SUPT3H: variants seen among roughly 807,000 people sequenced by gnomAD.
SUPT3H encodes transcription initiation protein SPT3 homolog.
A neutral mutation model predicts 44.3 loss-of-function variants in SUPT3H; 44 were observed. That is an observed-to-expected ratio of 0.99 (90% confidence interval 0.78 to 1.28). The LOEUF (loss-of-function observed/expected upper bound fraction) is 1.28, where lower values mean the gene tolerates loss of function less well. SUPT3H is among the 50% of genes most tolerant of loss of function. The pLI, the probability that SUPT3H is intolerant of heterozygous loss-of-function variation, is 0.00. For synonymous variants in SUPT3H, 124 were observed against 125.6 expected (o/e 0.99, Z 0.09); for missense variants, 380 against 387.1 (o/e 0.98, Z 0.15).
chr6:45,308,607 G>A (rs1783468983), intron 2 of SUPT3H, among the ~76,000 whole-genome samples: 2 of 152,166 alleles, frequency 1.3e-5, no homozygotes, highest in East Asian at 1.9e-4. Flanking sequence ...TCGGGGGAGG[G>A]AGGAGGGAAA....
chr6:45,274,710 G>A (rs1421948901), intron 2 of SUPT3H, among the ~76,000 whole-genome samples: 1 of 152,054 alleles, frequency 6.6e-6, no homozygotes, highest in African/African-American at 2.4e-5. Context: ...GTGAAACCCT[G>A]TCTGTATTAA....
intron 10 of SUPT3H, among the ~76,000 whole-genome samples, chr6:44,915,827 CAATA>C (rs1767725099): frequency 6.6e-6 from 1 of 152,088 alleles, no homozygotes; most frequent in Non-Finnish European, 1.5e-5. Flanking sequence ...TGGACCAGAC[CAATA>C]AATGTACTTG....
At position 45,341,504 on chromosome 6, in the gene SUPT3H, A is replaced by G. The variant is rs73735379; in HGVS notation, c.101+23697T>C. 3.9e-3 allele frequency among the ~76,000 whole-genome samples: 595 copies of G among 152,256 alleles called. 7 individuals are homozygous for G. Among genetic ancestry groups the G allele is most frequent in the African/African-American group, 0.014 (567 of 41,584 alleles). On this transcript the variant is annotated intron_variant, in intron 2 of 10. Transcript: ENST00000371459. ...CTAAAATAAATACATATGCAAGTAT[A>G]AAGTCATAACTACATTTTAAAAGGA... is the stretch of plus-strand genomic sequence containing the variant.
intron 2 of SUPT3H, among the ~76,000 whole-genome samples, chr6:45,323,731 T>C (rs965729431): frequency 6.6e-6 from 1 of 152,068 alleles, no homozygotes; most frequent in African/African-American, 2.4e-5. Context: ...AGAGAGGAGA[T>C]TTTCCTTTTG....
chr6:45,357,893 GTA>G (rs200586327), intron 2 of SUPT3H, among the ~76,000 whole-genome samples: 1 of 151,014 alleles, frequency 6.6e-6, no homozygotes. Context: ...AAGACTAAGA[GTA>G]TATATATATA....
chr6:45,194,137 C>A lies in SUPT3H; in HGVS notation c.102-88131G>T, dbSNP rs189184340. Among the ~76,000 whole-genome samples the A allele has an allele frequency of 2.5e-3, 382 of 152,252 alleles. 4 individuals carry two copies. Among genetic ancestry groups the A allele is most frequent in the African/African-American group, 8.0e-3 (333 of 41,558 alleles). On this transcript the variant is annotated intron_variant, in intron 2 of 10. Transcript: ENST00000371459. Reference sequence around the variant, plus strand: ...ACAACTGACATACTTTTACAACCAACAGGATTCTGTCAAACTTTACATTTT... The same window carrying A: ...ACAACTGACATACTTTTACAACCAAAAGGATTCTGTCAAACTTTACATTTT...
Position 44,954,593 on chromosome 6 carries a change from T to C in SUPT3H, c.595A>G (p.Lys199Glu), listed in dbSNP as rs761914094. The C allele has an allele frequency of 1.2e-6, 2 of 1,612,848 alleles. No individual in the cohort carries two copies. The highest frequency in any genetic ancestry group is 2.2e-5 in the South Asian group (2 of 90,492). Residue 199 changes from lysine (K) to glutamate (E), a missense_variant, in exon 8 of 11, where the codon AAA (lysine) becomes GAA (glutamate). Lys to Glu is a moderately conservative substitution (Grantham distance 56). Coordinates refer to ENST00000371459, the MANE Select transcript of SUPT3H (RefSeq NM_003599.4). ...RQLSFSKKAS[K>E]FRDWLDCSSM... ...CTGCAGTCCAACCAGTCTCGAAATT[T>C]GGAAGCTTTTTTGGCTGGCCATTTA...
intron 10 of SUPT3H, among the ~76,000 whole-genome samples, chr6:44,897,999 C>A (rs1764363524): frequency 6.6e-6 from 1 of 152,152 alleles, no homozygotes; most frequent in African/African-American, 2.4e-5. Flanking sequence ...TCCAAAAAAA[C>A]TTATAACCAT....
intron 3 of SUPT3H, among the ~76,000 whole-genome samples, chr6:45,097,195 A>G (rs550024255): frequency 2.0e-5 from 3 of 152,246 alleles, no homozygotes; most frequent in Non-Finnish European, 4.4e-5. Context: ...TCAGAGCCCC[A>G]TCTTCTTCTC....
intron 3 of SUPT3H, among the ~76,000 whole-genome samples, chr6:45,033,806 G>A (rs902994509): frequency 3.9e-5 from 6 of 152,128 alleles, no homozygotes; most frequent in African/African-American, 1.4e-4. Context: ...CCCATCTTGA[G>A]TTAGTGTTCA....
intron 2 of SUPT3H, among the ~76,000 whole-genome samples, chr6:45,145,006 T>A (rs2153592259): frequency 6.6e-6 from 1 of 152,160 alleles, no homozygotes; most frequent in East Asian, 1.9e-4. Context: ...AAAACACTGC[T>A]GAAATAAATC....
chr6:45,088,058 G>A (rs189317427), intron 3 of SUPT3H, among the ~76,000 whole-genome samples: 29 of 151,966 alleles, frequency 1.9e-4, no homozygotes, highest in Admixed American at 1.5e-3. Flanking sequence ...TAAAATTAAT[G>A]GAAAAGCTTC....
chr6:44,900,183 G>A (rs1456106624), intron 10 of SUPT3H, among the ~76,000 whole-genome samples: 1 of 152,242 alleles, frequency 6.6e-6, no homozygotes, highest in Non-Finnish European at 1.5e-5. Context: ...GTGCAGGACA[G>A]TGGGTGCAGC....
chr6:45,087,514 T>C (rs922756963), intron 3 of SUPT3H, among the ~76,000 whole-genome samples: 11 of 151,788 alleles, frequency 7.2e-5, no homozygotes, highest in African/African-American at 2.7e-4. Flanking sequence ...CTTTTGAGGG[T>C]AAATGCTTTT....
chr6:45,152,867 TTAAA>T (rs1409243749), intron 2 of SUPT3H, among the ~76,000 whole-genome samples: 1 of 152,134 alleles, frequency 6.6e-6, no homozygotes, highest in East Asian at 1.9e-4. Context: ...ATATATACAT[TTAAA>T]TAAAATCACA....
intron 6 of SUPT3H, among the ~76,000 whole-genome samples, chr6:44,963,271 G>T (rs991181693): frequency 2.0e-5 from 3 of 152,172 alleles, no homozygotes; most frequent in African/African-American, 7.2e-5. Flanking sequence ...GTCCAGGCAG[G>T]TGGATCACTT....
chr6:45,261,559 G>A (rs1254743313), intron 2 of SUPT3H, among the ~76,000 whole-genome samples: 3 of 151,756 alleles, frequency 2.0e-5, no homozygotes, highest in African/African-American at 7.3e-5. Context: ...TCTCACCAAT[G>A]GCATCAAAGG....
At chr6:45,055,465 G>A (rs1790958199) in intron 3 of SUPT3H, among the ~76,000 whole-genome samples, 1 of 152,120 alleles carries the variant, frequency 6.6e-6, no homozygotes, top group African/African-American at 2.4e-5. Flanking sequence ...CAGGGTACTG[G>A]TATAAAAATG....
intron 2 of SUPT3H, among the ~76,000 whole-genome samples, chr6:45,162,044 A>G (rs1295692871): frequency 2.6e-5 from 4 of 152,108 alleles, no homozygotes; most frequent in Admixed American, 1.3e-4. Flanking sequence ...AAAAAAAACA[A>G]AAACAAAAAC....
Sources: allele counts gnomAD v4.1 joint callset (sites outside exome capture counted in the v4.1 genomes callset), GRCh38; gene constraint gnomAD v4.1.1; transcripts MANE v1.5; gene names NCBI Gene and HGNC (gene_info 2026-07-23, HGNC 2026-07-21).